GLIS3: variants seen among roughly 807,000 people sequenced by gnomAD.
GLIS3 encodes GLIS family zinc finger 3, also known as zinc finger protein GLIS3.
Under a neutral mutation model 78.6 loss-of-function variants are expected in GLIS3, and 53 were observed. The observed-to-expected ratio is 0.67, with a 90% CI of 0.54 to 0.85. The LOEUF (loss-of-function observed/expected upper bound fraction) is 0.85, where lower values mean the gene tolerates loss of function less well. GLIS3 is among the 40% of genes least tolerant of loss of function. The pLI is 0.00. For missense variants in GLIS3, 1,703 were observed against 1,231.1 expected, an observed-to-expected ratio of 1.38 and a Z score of -5.74; for synonymous variants, 684 against 509.9, an observed-to-expected ratio of 1.34 and a Z score of -4.60.
At chr9:4,477,651 C>T in the GLIS3 span, among the ~76,000 whole-genome samples, 7 of 151,986 alleles carry the variant, frequency 4.6e-5, no homozygotes, top group Admixed American at 2.0e-4. Flanking sequence ...TGAGCTCAAG[C>T]GATCCTCCCG....
At chr9:4,485,102 C>T in the GLIS3 span, among the ~76,000 whole-genome samples, 1 of 151,888 alleles carries the variant, frequency 6.6e-6, no homozygotes, top group Admixed American at 6.6e-5. Flanking sequence ...GCAACTTCTA[C>T]CTCCTGGGTT....
At chr9:4,325,367 G>T (rs775489607) in intron 2 of GLIS3, among the ~76,000 whole-genome samples, 3 of 152,182 alleles carry the variant, frequency 2.0e-5, no homozygotes, top group Non-Finnish European at 2.9e-5. Flanking sequence ...AAATGTGCTA[G>T]GGCATAATGT....
chr9:4,439,552 G>C, the GLIS3 span, among the ~76,000 whole-genome samples: 1 of 152,024 alleles, frequency 6.6e-6, no homozygotes, highest in Non-Finnish European at 1.5e-5. Flanking sequence ...TATATCCTTT[G>C]ACCAACATCT....
At chr9:4,058,853 G>T (rs543521672) in intron 4 of GLIS3, among the ~76,000 whole-genome samples, 1 of 151,992 alleles carries the variant, frequency 6.6e-6, no homozygotes, top group Admixed American at 6.6e-5. Context: ...TTGGTGGCAG[G>T]TGCCTGTAAT....
At chr9:3,912,884 T>C (rs1414374883) in intron 6 of GLIS3, among the ~76,000 whole-genome samples, 1 of 152,236 alleles carries the variant, frequency 6.6e-6, no homozygotes, top group Non-Finnish European at 1.5e-5. Flanking sequence ...CAAAGCAAGA[T>C]GAAGGGTTTA....
the GLIS3 span, among the ~76,000 whole-genome samples, chr9:4,379,509 G>T: frequency 6.6e-6 from 1 of 152,334 alleles, no homozygotes; most frequent in East Asian, 1.9e-4. Context: ...CTAGAGATGG[G>T]AGATCAAATG....
At chr9:4,374,338 G>T in the GLIS3 span, among the ~76,000 whole-genome samples, 1 of 152,236 alleles carries the variant, frequency 6.6e-6, no homozygotes, top group Non-Finnish European at 1.5e-5. Flanking sequence ...GAAAAAGATG[G>T]AAAGGGCTGC....
chr9:4,473,866 C>G, the GLIS3 span, among the ~76,000 whole-genome samples: 12 of 151,830 alleles, frequency 7.9e-5, no homozygotes, highest in Non-Finnish European at 1.5e-4. Flanking sequence ...AGAGAAAAAC[C>G]TAATGAAGAT....
Position 4,059,641 on chromosome 9 carries a change from T to C in GLIS3, c.1710+58127A>G, listed in dbSNP as rs193163848. On this transcript the variant is annotated intron_variant, in intron 4 of 10. Coordinates refer to ENST00000381971, the MANE Select transcript of GLIS3 (RefSeq NM_001042413.2). ...GCTTTGTGGTTGGAGATCCTTATTA[T>C]TCTAAACAGCCAACATGTGGCCATT... Among the ~76,000 whole-genome samples the C allele has an allele frequency of 3.3e-5, 5 of 152,312 alleles. 1 individual carries two copies. Among genetic ancestry groups the C allele is most frequent in the Admixed American group, 3.3e-4 (5 of 15,288 alleles).
chr9:3,916,833 A>G (rs1824544753), intron 6 of GLIS3, among the ~76,000 whole-genome samples: 1 of 152,188 alleles, frequency 6.6e-6, no homozygotes, highest in African/African-American at 2.4e-5. Flanking sequence ...CTTTAAGTTC[A>G]ATTGCTCTTG....
intron 2 of GLIS3, among the ~76,000 whole-genome samples, chr9:4,132,037 C>T (rs1833014583): frequency 6.7e-6 from 1 of 150,244 alleles, no homozygotes. Flanking sequence ...AAGTCTACGG[C>T]CAATGTTTTT....
At chr9:3,981,251 C>T (rs1364539193) in intron 4 of GLIS3, among the ~76,000 whole-genome samples, 1 of 152,140 alleles carries the variant, frequency 6.6e-6, no homozygotes, top group African/African-American at 2.4e-5. Context: ...TCACTTCAAC[C>T]AGGTACTGCC....
intron 2 of GLIS3, among the ~76,000 whole-genome samples, chr9:4,327,859 A>T (rs1817625126): frequency 6.6e-6 from 1 of 152,212 alleles, no homozygotes; most frequent in South Asian, 2.1e-4. Context: ...GCGATCAGTG[A>T]CCGGTGTAGC....
the GLIS3 span, among the ~76,000 whole-genome samples, chr9:4,471,599 A>C: frequency 6.6e-6 from 1 of 152,228 alleles, no homozygotes; most frequent in Non-Finnish European, 1.5e-5. Flanking sequence ...CTATACAAAA[A>C]TTAATTCAAG....
At chr9:4,445,244 T>C in the GLIS3 span, among the ~76,000 whole-genome samples, 1 of 152,222 alleles carries the variant, frequency 6.6e-6, no homozygotes, top group Non-Finnish European at 1.5e-5. Context: ...TATGAAACCC[T>C]TGAAAACTGT....
At chr9:3,848,682 A>C (rs1024234757) in intron 9 of GLIS3, among the ~76,000 whole-genome samples, 22 of 152,182 alleles carry the variant, frequency 1.4e-4, no homozygotes, top group African/African-American at 5.1e-4. Flanking sequence ...TGTACTTGCC[A>C]CCTCGCTGCC....
intron 7 of GLIS3, among the ~76,000 whole-genome samples, chr9:3,895,134 A>G (rs1162678022): frequency 6.6e-6 from 1 of 152,220 alleles, no homozygotes; most frequent in African/African-American, 2.4e-5. Flanking sequence ...TCTCAGACTC[A>G]CCAAATATGG....
At chr9:4,325,873 G>C (rs897804233) in intron 2 of GLIS3, among the ~76,000 whole-genome samples, 1 of 152,160 alleles carries the variant, frequency 6.6e-6, no homozygotes, top group African/African-American at 2.4e-5. Context: ...ATGCAGCCAT[G>C]AAAAGGAATG....
chr9:3,929,574 C>T (rs949454020), intron 6 of GLIS3, among the ~76,000 whole-genome samples: 1 of 151,994 alleles, frequency 6.6e-6, no homozygotes, highest in Non-Finnish European at 1.5e-5. Context: ...AACCTTAAGA[C>T]CAAAATAATG....
Sources: gnomAD v4.1 joint callset for allele counts (sites outside exome capture counted in the v4.1 genomes callset) on GRCh38, gnomAD v4.1.1 for gene constraint, MANE v1.5 for transcripts, NCBI Gene and HGNC (gene_info 2026-07-23, HGNC 2026-07-21) for gene names.